Variants in TRIM24 observed in about 807,000 individuals in gnomAD.
TRIM24 encodes tripartite motif containing 24.
A neutral mutation model predicts 123.9 loss-of-function variants in TRIM24; 29 were observed. The ratio of observed to expected loss-of-function variants is 0.23; its 90% CI spans 0.17 to 0.32. The LOEUF (loss-of-function observed/expected upper bound fraction) is 0.32, where lower values mean the gene tolerates loss of function less well. Among genes scored for constraint, TRIM24 ranks in the 10% least tolerant of loss-of-function variants. The pLI, the probability that TRIM24 is intolerant of heterozygous loss-of-function variation, is 1.00. For missense variants in TRIM24, 932 were observed against 1,295.3 expected, an observed-to-expected ratio of 0.72 and a Z score of 4.31; for synonymous variants, 456 against 461.1, an observed-to-expected ratio of 0.99 and a Z score of 0.14.
intron 9 of TRIM24, among the ~76,000 whole-genome samples, chr7:138,562,422 G>A (rs936559063): frequency 6.6e-6 from 1 of 152,174 alleles, no homozygotes; most frequent in Non-Finnish European, 1.5e-5. Flanking sequence ...GTACTATCGG[G>A]TGGATGTTTA....
At chr7:138,489,379 A>T (rs966374662) in intron 1 of TRIM24, among the ~76,000 whole-genome samples, 1 of 152,138 alleles carries the variant, frequency 6.6e-6, no homozygotes, top group Non-Finnish European at 1.5e-5. Flanking sequence ...TGTGAATTTG[A>T]TCCTGTCATT....
At chr7:138,536,510 A>C (rs1796877160) in intron 6 of TRIM24, among the ~76,000 whole-genome samples, 1 of 152,230 alleles carries the variant, frequency 6.6e-6, no homozygotes, top group Non-Finnish European at 1.5e-5. Flanking sequence ...GGGTATCAGC[A>C]TTGGAGGCTG....
chr7:138,512,069 A>C (rs751673465), intron 2 of TRIM24, among the ~76,000 whole-genome samples: 4 of 152,196 alleles, frequency 2.6e-5, no homozygotes, highest in Admixed American at 6.5e-5. Context: ...CCAGCAGTGC[A>C]GTCATTAAAT....
Position 138,483,662 on chromosome 7 carries a change from C to T in TRIM24, c.365-20628C>T, listed in dbSNP as rs1414920359. ...GACAACAGTTTATTAGTCACATAGA[C>T]TTGTATAGCCCTGGGGAGGACACTA... On this transcript the variant is annotated intron_variant, in intron 1 of 18. Coordinates refer to ENST00000343526, the MANE Select transcript of TRIM24 (RefSeq NM_015905.3). Among the ~76,000 whole-genome samples, 8 of 152,210 alleles carry T rather than the reference C, an allele frequency of 5.3e-5. No individual in the cohort carries two copies. The South Asian group carries it at 1.4e-3, about 28-fold the overall frequency.
Position 138,550,318 on chromosome 7 carries a change from GGT to G in TRIM24, c.1144-719_1144-718del, listed in dbSNP as rs10548154. Among the ~76,000 whole-genome samples the G allele has an allele frequency of 2.9e-3, 432 of 147,404 alleles. 1 individual carries two copies. Among genetic ancestry groups the G allele is most frequent in the Middle Eastern group, 0.011 (3 of 282 alleles). On this transcript the variant is annotated intron_variant, in intron 7 of 18. Coordinates refer to ENST00000343526, the MANE Select transcript of TRIM24 (RefSeq NM_015905.3). ...TTGAGTGAGAGAAAGAGGAGTTGAT[GGT>G]GTGTGTGTGTGTGTGTGTGTGTGTG...
At chr7:138,491,951 G>GTT (rs76404865) in intron 1 of TRIM24, among the ~76,000 whole-genome samples, 70 of 147,876 alleles carry the variant, frequency 4.7e-4, no homozygotes, top group Middle Eastern at 3.4e-3. Flanking sequence ...GTTGGTTGCT[G>GTT]TTTTTTTTTT....
intron 1 of TRIM24, among the ~76,000 whole-genome samples, chr7:138,466,708 G>A (rs1328137410): frequency 6.6e-6 from 1 of 151,736 alleles, no homozygotes; most frequent in African/African-American, 2.4e-5. Context: ...CTATATCTAG[G>A]TCCTTTGTCA....
chr7:138,463,044 T>G (rs1047357329), intron 1 of TRIM24, among the ~76,000 whole-genome samples: 13 of 15,592 alleles, frequency 8.3e-4, no homozygotes, highest in South Asian at 3.1e-3. Flanking sequence ...TAATTTTGTG[T>G]TTTTTTTTTT....
chr7:138,491,934 T>G (rs1795794888), intron 1 of TRIM24, among the ~76,000 whole-genome samples: 2 of 150,522 alleles, frequency 1.3e-5, no homozygotes, highest in Non-Finnish European at 3.0e-5. Flanking sequence ...AATCATTTCA[T>G]GTGCTTGTTG....
At chr7:138,584,658 T>G in intron 18 of TRIM24, 84 bp from the exon 19 acceptor site, 1 of 1,146,114 alleles carries the variant, frequency 8.7e-7, no homozygotes, top group Non-Finnish European at 1.2e-6. Flanking sequence ...GCATGAACAC[T>G]TTTCAAAACA....
intron 1 of TRIM24, among the ~76,000 whole-genome samples, chr7:138,462,587 G>T (rs988006608): frequency 1.3e-5 from 2 of 151,824 alleles, no homozygotes; most frequent in African/African-American, 4.8e-5. Context: ...TGATCCGCCC[G>T]CCTCGGCCTC....
At chr7:138,469,592 G>A (rs1163669753) in intron 1 of TRIM24, among the ~76,000 whole-genome samples, 2 of 151,926 alleles carry the variant, frequency 1.3e-5, no homozygotes, top group Non-Finnish European at 2.9e-5. Flanking sequence ...GTGAGCTGCC[G>A]AGCCCTTTCT....
chr7:138,524,060 C>G (rs536023501), intron 4 of TRIM24, among the ~76,000 whole-genome samples: 1 of 152,074 alleles, frequency 6.6e-6, no homozygotes, highest in Admixed American at 6.6e-5. Flanking sequence ...ATACAGAATT[C>G]ATTTAACATG....
intron 6 of TRIM24, among the ~76,000 whole-genome samples, chr7:138,536,620 G>C (rs1340620268): frequency 1.3e-5 from 2 of 152,358 alleles, no homozygotes; most frequent in East Asian, 3.9e-4. Flanking sequence ...GTGTCAGTCT[G>C]CCCCTACTGG....
chr7:138,557,484 C>T (rs1797338865), intron 9 of TRIM24, among the ~76,000 whole-genome samples: 1 of 152,090 alleles, frequency 6.6e-6, no homozygotes, highest in Non-Finnish European at 1.5e-5. Context: ...GGGTAAGAGA[C>T]AAGGGAGTAT....
At chr7:138,497,981 C>T (rs1450401973) in intron 1 of TRIM24, among the ~76,000 whole-genome samples, 1 of 151,960 alleles carries the variant, frequency 6.6e-6, no homozygotes, top group East Asian at 1.9e-4. Context: ...GCATCAGCCT[C>T]CGTGCCTGAC....
At chr7:138,473,764 A>G (rs772748481) in intron 1 of TRIM24, among the ~76,000 whole-genome samples, 4 of 152,172 alleles carry the variant, frequency 2.6e-5, no homozygotes, top group Non-Finnish European at 5.9e-5. Flanking sequence ...TGTTATAGCC[A>G]TTCCTTTCTT....
chr7:138,545,444 T>A, intron 7 of TRIM24: 1 of 456,840 alleles, frequency 2.2e-6, no homozygotes, highest in Non-Finnish European at 4.4e-6. Context: ...AGTAAATATA[T>A]TGAAGGTAAT....
At chr7:138,490,359 C>G (rs1490333865) in intron 1 of TRIM24, among the ~76,000 whole-genome samples, 1 of 152,202 alleles carries the variant, frequency 6.6e-6, no homozygotes, top group African/African-American at 2.4e-5. Flanking sequence ...TCTGTCAACT[C>G]ATCAAAGTTA....
Sources: allele counts gnomAD v4.1 joint callset (sites outside exome capture counted in the v4.1 genomes callset), GRCh38; gene constraint gnomAD v4.1.1; transcripts MANE v1.5; gene names NCBI Gene and HGNC (gene_info 2026-07-23, HGNC 2026-07-21).